The following SAMMSON variants were observed in gnomAD, a reference collection of about 807,000 sequenced individuals.
The protein encoded by SAMMSON is long intergenic non-protein coding RNA 1212.
At chr3:70,417,927 C>CA (rs759681427) in intron 2 of SAMMSON, among the ~76,000 whole-genome samples, 6 of 152,032 alleles carry the variant, frequency 3.9e-5, no homozygotes, top group Non-Finnish European at 8.8e-5. Flanking sequence ...GGGGTAGGGT[C>CA]AAAACTCAGA....
chr3:70,100,063 C>T (rs1175115224), intron 4 of SAMMSON, among the ~76,000 whole-genome samples: 4 of 152,286 alleles, frequency 2.6e-5, no homozygotes, highest in African/African-American at 7.2e-5. Context: ...TCAGCCAAGG[C>T]TCAGCTACAG....
At chr3:70,101,636 A>G (rs1313165882) in intron 4 of SAMMSON, among the ~76,000 whole-genome samples, 1 of 152,136 alleles carries the variant, frequency 6.6e-6, no homozygotes, top group Non-Finnish European at 1.5e-5. Context: ...CGTTATTTAC[A>G]CTACATGCTA....
intron 4 of SAMMSON, among the ~76,000 whole-genome samples, chr3:70,222,353 C>T (rs896202240): frequency 6.6e-6 from 1 of 152,152 alleles, no homozygotes; most frequent in African/African-American, 2.4e-5. Flanking sequence ...TAGCTCATTG[C>T]TAAGAGCTCA....
At chr3:70,199,147 CA>C (rs1701209887) in intron 4 of SAMMSON, among the ~76,000 whole-genome samples, 1 of 152,140 alleles carries the variant, frequency 6.6e-6, no homozygotes, top group African/African-American at 2.4e-5. Flanking sequence ...GTCCTTTATA[CA>C]TGCAAGGTTA....
At chr3:70,010,690 A>G (rs1376900474) in intron 1 of SAMMSON, among the ~76,000 whole-genome samples, 1 of 104,214 alleles carries the variant, frequency 9.6e-6, no homozygotes, top group Non-Finnish European at 1.9e-5. Flanking sequence ...TGCTGCTATA[A>G]AGAACTTTTA....
At chr3:70,075,875 G>A (rs1042437684) in intron 4 of SAMMSON, among the ~76,000 whole-genome samples, 3 of 114,758 alleles carry the variant, frequency 2.6e-5, no homozygotes, top group Non-Finnish European at 5.1e-5. Flanking sequence ...GTTATTTTTC[G>A]ATACCTGTTT....
At chr3:70,012,967 A>G (rs992541552) in intron 2 of SAMMSON, among the ~76,000 whole-genome samples, 11 of 152,186 alleles carry the variant, frequency 7.2e-5, no homozygotes, top group East Asian at 3.9e-4. Flanking sequence ...ACTGTGATCA[A>G]TAATCTACTA....
intron 4 of SAMMSON, among the ~76,000 whole-genome samples, chr3:70,111,505 C>T (rs554823963): frequency 6.6e-6 from 1 of 152,214 alleles, no homozygotes; most frequent in Admixed American, 6.5e-5. Context: ...ATTCATAATG[C>T]ATAGGACTCC....
At chr3:70,118,250 CA>C (rs1264488364) in intron 4 of SAMMSON, among the ~76,000 whole-genome samples, 5 of 152,114 alleles carry the variant, frequency 3.3e-5, no homozygotes, top group African/African-American at 1.2e-4. Context: ...TATGCACGGA[CA>C]AATACACTTG....
chr3:70,402,576 C>A (rs1311079385), intron 2 of SAMMSON, among the ~76,000 whole-genome samples: 3 of 152,132 alleles, frequency 2.0e-5, no homozygotes, highest in African/African-American at 7.2e-5. Context: ...AATTATAAAT[C>A]ATGGGCTAGG....
chr3:70,373,054 G>A (rs67076955), intron 9 of SAMMSON, among the ~76,000 whole-genome samples: 14,552 of 152,112 alleles, frequency 0.096, 980 homozygotes, highest in East Asian at 0.4. Flanking sequence ...AGTAGAAAAT[G>A]TATTACCCAC....
chr3:70,432,752 C>T (rs1455046180), intron 2 of SAMMSON, among the ~76,000 whole-genome samples: 3 of 151,992 alleles, frequency 2.0e-5, no homozygotes, highest in South Asian at 4.1e-4. Context: ...ATGTGCCCAC[C>T]ATTACAGTAT....
intron 9 of SAMMSON, among the ~76,000 whole-genome samples, chr3:70,387,815 AC>A (rs1338876630): frequency 6.6e-6 from 1 of 152,106 alleles, no homozygotes; most frequent in Non-Finnish European, 1.5e-5. Context: ...TAAATGTTCT[AC>A]CTACCTCTCA....
chr3:70,076,730 T>G (rs1188135539), intron 4 of SAMMSON, among the ~76,000 whole-genome samples: 1 of 152,180 alleles, frequency 6.6e-6, no homozygotes. Context: ...CACATGCTCC[T>G]TAGAAGCTCT....
chr3:70,102,579 G>A lies in SAMMSON; in HGVS notation n.507+31014G>A, dbSNP rs2067350296. 2.6e-5 allele frequency among the ~76,000 whole-genome samples: 4 copies of A among 152,150 alleles called. No individual in the cohort carries two copies. In the South Asian group the frequency reaches 8.3e-4, roughly 32 times the overall value. On this transcript the variant is annotated intron_variant and non_coding_transcript_variant, in intron 4 of 9. Coordinates refer to ENST00000642114, the Ensembl canonical transcript of SAMMSON. ...TTCATTCCTCTTTCACCAATGAGCT[G>A]GGTGGCAGGGGTGATATCATGTCTA... is the stretch of plus-strand genomic sequence containing the variant.
At chr3:70,061,408 T>C (rs2067189925) in intron 3 of SAMMSON, among the ~76,000 whole-genome samples, 1 of 152,142 alleles carries the variant, frequency 6.6e-6, no homozygotes, top group Non-Finnish European at 1.5e-5. Context: ...CTGCGTAATG[T>C]TTAAAAAATC....
At chr3:70,012,903 A>G (rs563425436) in intron 2 of SAMMSON, among the ~76,000 whole-genome samples, 1 of 152,156 alleles carries the variant, frequency 6.6e-6, no homozygotes, top group Admixed American at 6.5e-5. Context: ...CTACCATACA[A>G]GGAAGCACCG....
At chr3:70,192,582 GAA>G (rs1701139295) in intron 4 of SAMMSON, among the ~76,000 whole-genome samples, 3 of 152,306 alleles carry the variant, frequency 2.0e-5, no homozygotes, top group Admixed American at 6.5e-5. Flanking sequence ...CTACTCTCTT[GAA>G]GGCTGGGAGA....
chr3:70,178,295 A>G (rs897247460), intron 4 of SAMMSON, among the ~76,000 whole-genome samples: 2 of 152,154 alleles, frequency 1.3e-5, no homozygotes, highest in Admixed American at 6.5e-5. Context: ...CTAGGCTCTG[A>G]TACACTTAAG....
Sources: allele counts gnomAD v4.1 joint callset (sites outside exome capture counted in the v4.1 genomes callset), GRCh38; gene constraint gnomAD v4.1.1; transcripts MANE v1.5; gene names NCBI Gene and HGNC (gene_info 2026-07-23, HGNC 2026-07-21).